Variants in MCM9 observed in about 807,000 individuals in gnomAD.
MCM9 encodes DNA helicase MCM9.
MCM9 carries 55 observed loss-of-function variants against 72.8 expected under a neutral mutation model. That is an observed-to-expected ratio of 0.76 (90% CI 0.61 to 0.95). MCM9 has a LOEUF of 0.95. Ranked by LOEUF, MCM9 falls within the 40% of genes least tolerant of loss-of-function variation. The pLI, the probability that MCM9 is intolerant of heterozygous loss-of-function variation, is 0.00. For missense variants in MCM9, 1,279 were observed against 1,377.0 expected (o/e 0.93, Z 1.13); for synonymous variants, 480 against 503.4 (o/e 0.95, Z 0.62).
intron 8 of MCM9, among the ~76,000 whole-genome samples, chr6:118,886,425 A>G (rs1778606303): frequency 6.6e-6 from 1 of 152,040 alleles, no homozygotes; most frequent in African/African-American, 2.4e-5. Context: ...AACTATCTCT[A>G]TTTACAGATG....
At chr6:118,886,288 G>C (rs1778593286) in intron 8 of MCM9, among the ~76,000 whole-genome samples, 1 of 151,998 alleles carries the variant, frequency 6.6e-6, no homozygotes, top group Non-Finnish European at 1.5e-5. Flanking sequence ...GATGTTTGCT[G>C]TCACTATATC....
At chr6:118,899,968 C>G (rs952253004) in intron 8 of MCM9, among the ~76,000 whole-genome samples, 7 of 152,212 alleles carry the variant, frequency 4.6e-5, no homozygotes, top group African/African-American at 1.7e-4. Flanking sequence ...CCAAAGAGTT[C>G]TACTCATCTC....
At chr6:118,829,655 A>G (rs898572960) in intron 9 of MCM9, among the ~76,000 whole-genome samples, 3 of 152,242 alleles carry the variant, frequency 2.0e-5, no homozygotes, top group Admixed American at 2.0e-4. Flanking sequence ...ATCTATGTGG[A>G]TAGAAAAGAT....
intron 8 of MCM9, among the ~76,000 whole-genome samples, chr6:118,895,910 A>G (rs6931423): frequency 0.55 from 84,124 of 151,886 alleles, 23,988 homozygotes; most frequent in East Asian, 0.65. Context: ...TAATTATAAA[A>G]CAATATATAT....
chr6:118,845,774 C>G (rs988143114), intron 9 of MCM9, among the ~76,000 whole-genome samples: 5 of 151,820 alleles, frequency 3.3e-5, no homozygotes, highest in Non-Finnish European at 7.3e-5. Context: ...TATTTACTCA[C>G]TGGATAACTG....
intron 8 of MCM9, among the ~76,000 whole-genome samples, chr6:118,865,309 T>C (rs1777149369): frequency 6.6e-6 from 1 of 152,176 alleles, no homozygotes; most frequent in Admixed American, 6.5e-5. Context: ...CTATTTCTCC[T>C]CAAATGGGGT....
At position 118,851,369 on chromosome 6, in the gene MCM9, G is replaced by T. The variant is rs914712197; in HGVS notation, c.1325+5002C>A. Reference sequence around the variant, plus strand: ...CTTCACTAAATTGATCAAGAAAAAAGAAACCTTTTCAAGATGGAGAAATAA... The same window carrying T: ...CTTCACTAAATTGATCAAGAAAAAATAAACCTTTTCAAGATGGAGAAATAA... On this transcript the variant is annotated intron_variant, in intron 9 of 13. Transcript: ENST00000619706. Among the ~76,000 whole-genome samples the T allele has an allele frequency of 4.9e-4, 75 of 151,586 alleles. 3 individuals carry two copies. Among genetic ancestry groups the T allele is most frequent in the African/African-American group, 1.7e-3 (70 of 41,002 alleles).
At chr6:118,915,373 C>A (rs1039089688) in intron 6 of MCM9, among the ~76,000 whole-genome samples, 2 of 152,174 alleles carry the variant, frequency 1.3e-5, no homozygotes, top group African/African-American at 4.8e-5. Flanking sequence ...ATGAAGAGAA[C>A]TTAGTAGGCC....
At chr6:118,883,923 T>C (rs917328975) in intron 8 of MCM9, among the ~76,000 whole-genome samples, 1 of 152,180 alleles carries the variant, frequency 6.6e-6, no homozygotes, top group South Asian at 2.1e-4. Context: ...ATTATGTAAC[T>C]AGAAAAAACA....
At chr6:118,867,848 G>A (rs545797354) in intron 8 of MCM9, among the ~76,000 whole-genome samples, 2 of 150,980 alleles carry the variant, frequency 1.3e-5, no homozygotes, top group Non-Finnish European at 2.9e-5. Context: ...AATGGGGTTG[G>A]GTAAATTAAT....
intron 3 of MCM9, 80 bp from the exon 4 acceptor site, chr6:118,924,207 TG>T: frequency 7.8e-7 from 1 of 1,278,202 alleles, no homozygotes; most frequent in Non-Finnish European, 1.1e-6. Context: ...TCCTATTTCC[TG>T]AAAGATAAAT....
chr6:118,815,876 T>G lies in MCM9; in HGVS notation c.2380A>C (p.Lys794Gln). The G allele has an allele frequency of 1.9e-6, 3 of 1,542,416 alleles. No individual in the cohort carries two copies. Among genetic ancestry groups the G allele is most frequent in the Non-Finnish European group, 2.6e-6 (3 of 1,146,930 alleles). The change falls in exon 14 of 14, where the codon AAA (lysine) becomes CAA (glutamine). Residue 794 changes from lysine to glutamine, a missense_variant. Transcript: ENST00000619706. ...GATGGAAGCAACCCAATGTCCACTT[T>G]GCTCCTTTGGCCTGGCTCACTCTTC... is the stretch of plus-strand genomic sequence containing the variant. Reference protein sequence around the residue: ...KEKSEPGQRSKVDIGLLPSPG... With the variant: ...KEKSEPGQRSQVDIGLLPSPG...
chr6:118,844,251 G>GT (rs1197039739), intron 9 of MCM9, among the ~76,000 whole-genome samples: 1 of 151,708 alleles, frequency 6.6e-6, no homozygotes, highest in African/African-American at 2.4e-5. Flanking sequence ...CTAATTAGGG[G>GT]TAATGAACTT....
At chr6:118,846,650 A>G (rs1254961239) in intron 9 of MCM9, among the ~76,000 whole-genome samples, 1 of 151,766 alleles carries the variant, frequency 6.6e-6, no homozygotes, top group African/African-American at 2.4e-5. Context: ...TCAGGTGAAG[A>G]AGGAGGCAAG....
At chr6:118,852,760 T>A (rs969359107) in intron 9 of MCM9, among the ~76,000 whole-genome samples, 1 of 152,200 alleles carries the variant, frequency 6.6e-6, no homozygotes, top group Non-Finnish European at 1.5e-5. Flanking sequence ...AATTTACATA[T>A]AGTAAAAGTC....
In MCM9 at chr6:118,859,427, G is replaced by GT. The variant is rs571112821; in HGVS notation, c.1151-2883dup. On this transcript the variant is annotated intron_variant, in intron 8 of 13. Coordinates refer to ENST00000619706, the MANE Select transcript of MCM9 (RefSeq NM_017696.3). Reference sequence around the variant, plus strand: ...AGTAAAAAGCTAAACAAAAAAATCAGTAACTTCTTAGACCCATCAGAGAAA... The same window carrying GT: ...AGTAAAAAGCTAAACAAAAAAATCAGTTAACTTCTTAGACCCATCAGAGAAA... Among the ~76,000 whole-genome samples the GT allele has an allele frequency of 4.6e-5, 7 of 152,270 alleles. No homozygotes were observed. The South Asian group carries it at 1.5e-3, about 32-fold the overall frequency.
intron 9 of MCM9, among the ~76,000 whole-genome samples, chr6:118,833,033 C>G (rs1024591287): frequency 2.0e-5 from 3 of 152,172 alleles, no homozygotes; most frequent in Non-Finnish European, 4.4e-5. Context: ...CCCTAAAAGC[C>G]TTCCTGTGCA....
At chr6:118,848,797 G>A (rs1265581612) in intron 9 of MCM9, among the ~76,000 whole-genome samples, 3 of 152,040 alleles carry the variant, frequency 2.0e-5, no homozygotes, top group Non-Finnish European at 4.4e-5. Context: ...GGTAGCGTGT[G>A]TCTGTAGTCC....
chr6:118,913,480 T>A (rs1780707269), intron 6 of MCM9, 60 bp from the exon 7 acceptor site: 1 of 1,600,110 alleles, frequency 6.2e-7, no homozygotes, highest in African/African-American at 1.3e-5. Flanking sequence ...CAACTGAAAT[T>A]TCCCTTCCTT....
Sources: allele counts gnomAD v4.1 joint callset (sites outside exome capture counted in the v4.1 genomes callset), GRCh38; gene constraint gnomAD v4.1.1; transcripts MANE v1.5; gene names NCBI Gene and HGNC (gene_info 2026-07-23, HGNC 2026-07-21).